Variants in TMEM117 observed in about 807,000 individuals in gnomAD.
The protein encoded by TMEM117 is transmembrane protein 117.
Under a neutral mutation model 52.4 loss-of-function variants are expected in TMEM117, and 27 were observed. That is an observed-to-expected ratio of 0.51 (90% CI 0.38 to 0.71). TMEM117 has a LOEUF of 0.71. Among genes scored for constraint, TMEM117 ranks in the 30% least tolerant of loss-of-function variants. The pLI, the probability that TMEM117 is intolerant of heterozygous loss-of-function variation, is 0.00. For synonymous variants in TMEM117, 215 were observed against 206.3 expected, an observed-to-expected ratio of 1.04 and a Z score of -0.36; for missense variants, 556 against 630.5, an observed-to-expected ratio of 0.88 and a Z score of 1.26.
intron 2 of TMEM117, among the ~76,000 whole-genome samples, chr12:43,872,369 TC>T (rs1943721124): frequency 1.5e-5 from 1 of 64,614 alleles, no homozygotes. Flanking sequence ...GAAAAAGGCG[TC>T]TGTACCTCTA....
intron 5 of TMEM117, among the ~76,000 whole-genome samples, chr12:44,213,170 C>T (rs1040150661): frequency 3.3e-5 from 5 of 152,140 alleles, no homozygotes; most frequent in Non-Finnish European, 7.4e-5. Flanking sequence ...AGGCCAAAGA[C>T]TTTACATCCT....
At chr12:43,866,192 A>G (rs1343417405) in intron 2 of TMEM117, among the ~76,000 whole-genome samples, 1 of 151,878 alleles carries the variant, frequency 6.6e-6, no homozygotes, top group African/African-American at 2.4e-5. Flanking sequence ...TAGGGGAATG[A>G]TGATATGAAT....
At chr12:44,327,551 A>G (rs919808894) in intron 6 of TMEM117, among the ~76,000 whole-genome samples, 8 of 152,352 alleles carry the variant, frequency 5.3e-5, no homozygotes, top group African/African-American at 1.9e-4. Flanking sequence ...ATGTTTTTGC[A>G]TAACAAAAGA....
chr12:44,065,615 C>T (rs1487859910), intron 3 of TMEM117, among the ~76,000 whole-genome samples: 2 of 152,138 alleles, frequency 1.3e-5, no homozygotes, highest in African/African-American at 4.8e-5. Context: ...CAAAACTCCA[C>T]CAAATCACAA....
intron 4 of TMEM117, among the ~76,000 whole-genome samples, chr12:44,181,329 T>C (rs1360244808): frequency 6.6e-6 from 1 of 152,176 alleles, no homozygotes; most frequent in African/African-American, 2.4e-5. Flanking sequence ...TGGTAGTTTC[T>C]TTTGCTATGC....
At chr12:44,309,945 T>C (rs888782845) in intron 6 of TMEM117, among the ~76,000 whole-genome samples, 10 of 152,188 alleles carry the variant, frequency 6.6e-5, no homozygotes, top group African/African-American at 2.4e-4. Context: ...ACTCTTGCAA[T>C]AGACTAAAGT....
At chr12:44,226,326 A>G (rs1949860075) in intron 5 of TMEM117, among the ~76,000 whole-genome samples, 4 of 152,192 alleles carry the variant, frequency 2.6e-5, no homozygotes, top group African/African-American at 4.8e-5. Flanking sequence ...GGGCAGAGAT[A>G]AAGGTCACCA....
At chr12:43,953,462 C>T (rs1024576783) in intron 3 of TMEM117, among the ~76,000 whole-genome samples, 2 of 151,998 alleles carry the variant, frequency 1.3e-5, no homozygotes, top group Non-Finnish European at 2.9e-5. Flanking sequence ...GAAAATTTAC[C>T]AAGCAAATGG....
At chr12:44,315,477 T>C (rs1306235932) in intron 6 of TMEM117, among the ~76,000 whole-genome samples, 1 of 152,212 alleles carries the variant, frequency 6.6e-6, no homozygotes, top group African/African-American at 2.4e-5. Flanking sequence ...TCAAAGAATT[T>C]TTTACTTTCT....
intron 3 of TMEM117, among the ~76,000 whole-genome samples, chr12:44,050,730 C>T (rs1383330953): frequency 6.6e-6 from 1 of 152,178 alleles, no homozygotes; most frequent in Non-Finnish European, 1.5e-5. Flanking sequence ...GGAGATCTAT[C>T]GCTAATATAG....
In TMEM117 at chr12:44,331,209, C is replaced by CT. The variant is rs911241131; in HGVS notation, c.768+31479dup. ...TAAAAAAAAAAAAATCTTTTTTTCT[C>CT]TTTTTTTTTGTTGGCAGCAGGTGAG... On this transcript the variant is annotated intron_variant, in intron 6 of 7. Transcript: ENST00000266534. Among the ~76,000 whole-genome samples, 41 of 149,050 alleles carry CT rather than the reference C, an allele frequency of 2.8e-4. No individual in the cohort carries two copies. The East Asian group carries it at 6.1e-3, about 22-fold the overall frequency.
chr12:44,220,846 A>G (rs1020807050), intron 5 of TMEM117, among the ~76,000 whole-genome samples: 1 of 152,226 alleles, frequency 6.6e-6, no homozygotes, highest in Non-Finnish European at 1.5e-5. Context: ...ATTACATAGT[A>G]TTAGATTATA....
chr12:44,286,649 T>C (rs1950642196), intron 5 of TMEM117, among the ~76,000 whole-genome samples: 1 of 152,164 alleles, frequency 6.6e-6, no homozygotes, highest in Non-Finnish European at 1.5e-5. Context: ...AAAAGTTCCG[T>C]ATTTTATAAA....
chr12:44,269,046 T>C (rs139416505), intron 5 of TMEM117, among the ~76,000 whole-genome samples: 1 of 152,286 alleles, frequency 6.6e-6, no homozygotes, highest in Non-Finnish European at 1.5e-5. Context: ...TATCTCTTGC[T>C]TTTTTTCACT....
chr12:43,868,142 T>C (rs2699991), intron 2 of TMEM117, among the ~76,000 whole-genome samples: 107,291 of 148,492 alleles, frequency 0.72, 42,053 homozygotes, highest in East Asian at 0.93. Flanking sequence ...GTCTCTCTCC[T>C]TCTCTCTCTC....
At chr12:44,352,748 A>G (rs1413747230) in intron 6 of TMEM117, among the ~76,000 whole-genome samples, 2 of 152,152 alleles carry the variant, frequency 1.3e-5, no homozygotes, top group South Asian at 2.1e-4. Context: ...TAGTGCTGCA[A>G]TAAACATACG....
At chr12:43,941,373 C>A (rs966335572) in intron 2 of TMEM117, among the ~76,000 whole-genome samples, 3 of 152,120 alleles carry the variant, frequency 2.0e-5, no homozygotes, top group African/African-American at 7.2e-5. Context: ...TTTTCCAAAC[C>A]AGCATACCTA....
At position 43,913,282 on chromosome 12, in the gene TMEM117, C is replaced by T. The variant is rs1944546798; in HGVS notation, c.278-30928C>T. 2.0e-5 allele frequency among the ~76,000 whole-genome samples: 3 copies of T among 152,286 alleles called. No individual in the cohort carries two copies. In the South Asian group the frequency reaches 6.2e-4, roughly 32 times the overall value. ...AAATCCTTGAATATAGCTGCTGCATCTGCTTCATTCTTCACCACAGGAAAG... is the reference window on the plus strand; with the variant it reads ...AAATCCTTGAATATAGCTGCTGCATTTGCTTCATTCTTCACCACAGGAAAG... On this transcript the variant is annotated intron_variant, in intron 2 of 7. Coordinates refer to ENST00000266534, the MANE Select transcript of TMEM117 (RefSeq NM_032256.3).
intron 6 of TMEM117, among the ~76,000 whole-genome samples, chr12:44,312,215 G>C (rs536028536): frequency 3.2e-4 from 48 of 152,022 alleles, no homozygotes; most frequent in African/African-American, 8.9e-4. Context: ...TAGGTAGTGA[G>C]CATAGTACCC....
Sources: allele counts gnomAD v4.1 joint callset (sites outside exome capture counted in the v4.1 genomes callset), GRCh38; gene constraint gnomAD v4.1.1; transcripts MANE v1.5; gene names NCBI Gene and HGNC (gene_info 2026-07-23, HGNC 2026-07-21).